SUMF1: variants seen among roughly 807,000 people sequenced by gnomAD.
SUMF1 encodes formylglycine-generating enzyme.
A neutral mutation model predicts 47.6 loss-of-function variants in SUMF1; 48 were observed. The observed-to-expected ratio is 1.01, with a 90% CI of 0.80 to 1.28. The LOEUF is 1.28. SUMF1 is among the 50% of genes most tolerant of loss of function. The probability of loss-of-function intolerance (pLI) is 0.00; values close to 1 mark genes in which losing one functional copy is unlikely to be tolerated. For missense variants in SUMF1, 571 were observed against 485.4 expected (o/e 1.18, Z -1.66); for synonymous variants, 230 against 192.1 (o/e 1.20, Z -1.63).
intron 8 of SUMF1, among the ~76,000 whole-genome samples, chr3:4,274,954 T>C (rs1697381981): frequency 2.0e-5 from 3 of 152,108 alleles, no homozygotes; most frequent in South Asian, 2.1e-4. Context: ...AGTCCAAATG[T>C]CAAACAGGCC....
Position 4,209,186 on chromosome 3 carries a change from G to A in SUMF1, c.1015-140441C>T, listed in dbSNP as rs191435165. On this transcript the variant is annotated intron_variant and NMD_transcript_variant, in intron 8 of 12. Coordinates refer to the SUMF1 transcript ENST00000448413. ...ATTTTATTGGGTACCTATTATATAC[G>A]TGCTGCTGCAGTTGACTTTAAGGAC... Among the ~76,000 whole-genome samples, 189 of 152,090 alleles carry A rather than the reference G, an allele frequency of 1.2e-3. 2 individuals are homozygous for A. Among genetic ancestry groups the A allele is most frequent in the African/African-American group, 4.3e-3 (177 of 41,458 alleles).
intron 9 of SUMF1, among the ~76,000 whole-genome samples, chr3:4,058,872 G>A (rs964158534): frequency 6.6e-6 from 1 of 152,042 alleles, no homozygotes; most frequent in Non-Finnish European, 1.5e-5. Context: ...CTTTTATAGT[G>A]CATTTAATTT....
chr3:4,035,499 G>A (rs1042564556), intron 9 of SUMF1, among the ~76,000 whole-genome samples: 27 of 152,148 alleles, frequency 1.8e-4, no homozygotes, highest in Non-Finnish European at 7.4e-5. Flanking sequence ...CATTCAAAAT[G>A]ATCTCATATT....
intron 1 of SUMF1, 93 bp from the exon 2 acceptor site, chr3:4,453,142 G>A (rs1409806971): frequency 3.8e-6 from 5 of 1,316,316 alleles, no homozygotes; most frequent in South Asian, 1.3e-5. Flanking sequence ...AAGCACGCAA[G>A]TTTGTAAATC....
At chr3:4,074,782 A>C (rs1336608053) in intron 8 of SUMF1, among the ~76,000 whole-genome samples, 2 of 152,138 alleles carry the variant, frequency 1.3e-5, no homozygotes, top group Admixed American at 1.3e-4. Flanking sequence ...ACCCAAGACT[A>C]AACCAGGAAG....
In SUMF1 at chr3:4,467,259, C is replaced by A. The variant is rs1484385638; in HGVS notation, c.-14G>T. The A allele has an allele frequency of 6.2e-6, 10 of 1,604,418 alleles. No homozygotes were observed. Among genetic ancestry groups the A allele is most frequent in the African/African-American group, 4.0e-5 (3 of 74,832 alleles). ...GGGCGCAGCCATGTTGTCCCGCGGG[C>A]CATGTGACCCGGTTGGTCACGTGGC... On this transcript the variant is annotated 5_prime_UTR_variant, in exon 1 of 9. Coordinates refer to ENST00000272902, the MANE Select transcript of SUMF1 (RefSeq NM_182760.4).
intron 8 of SUMF1, among the ~76,000 whole-genome samples, chr3:4,293,192 G>A (rs1697774739): frequency 1.3e-5 from 2 of 152,032 alleles, no homozygotes; most frequent in South Asian, 4.2e-4. Flanking sequence ...ACCACATAGT[G>A]CAGTTATAAT....
At position 4,164,501 on chromosome 3, in the gene SUMF1, C is replaced by T. The variant is rs183072640; in HGVS notation, c.1015-95756G>A. Among the ~76,000 whole-genome samples the T allele has an allele frequency of 1.1e-3, 164 of 152,210 alleles. 1 individual carries two copies. The highest frequency in any genetic ancestry group is 6.1e-3 in the Admixed American group (93 of 15,294). ...ATTGCCTTGGCATAGTGGACATGGG[C>T]GAGGGGGCAGCTTGTTTCTCTTTGG... On this transcript the variant is annotated intron_variant and NMD_transcript_variant, in intron 8 of 12. Coordinates refer to the SUMF1 transcript ENST00000448413.
At chr3:4,402,756 T>C (rs12636423) in intron 7 of SUMF1, among the ~76,000 whole-genome samples, 5 of 152,040 alleles carry the variant, frequency 3.3e-5, no homozygotes, top group African/African-American at 1.2e-4. Flanking sequence ...TCATGGAGAG[T>C]TGAGATAGGC....
chr3:4,207,966 T>C (rs1168308011), intron 8 of SUMF1, among the ~76,000 whole-genome samples: 6 of 152,170 alleles, frequency 3.9e-5, no homozygotes, highest in Non-Finnish European at 8.8e-5. Flanking sequence ...CATGTTTTTA[T>C]GAGTTCTACC....
At chr3:4,358,697 C>T (rs1208051856), downstream of SUMF1, among the ~76,000 whole-genome samples, 1 of 152,162 alleles carries the variant, frequency 6.6e-6, no homozygotes, top group Non-Finnish European at 1.5e-5. Context: ...CTACACTTTC[C>T]AGTGTGTTAA....
chr3:4,355,999 T>A (rs187179530), intron 8 of SUMF1, among the ~76,000 whole-genome samples: 9 of 152,350 alleles, frequency 5.9e-5, no homozygotes, highest in South Asian at 4.1e-4. Context: ...TTTTACAGCC[T>A]ACCTGAATAT....
At chr3:4,260,367 G>A (rs927613950) in intron 8 of SUMF1, among the ~76,000 whole-genome samples, 1 of 152,124 alleles carries the variant, frequency 6.6e-6, no homozygotes, top group Non-Finnish European at 1.5e-5. Context: ...TGTTGTTGCT[G>A]TTGTTTCTTA....
chr3:4,077,132 T>C (rs1204345273), intron 8 of SUMF1, among the ~76,000 whole-genome samples: 1 of 152,020 alleles, frequency 6.6e-6, no homozygotes, highest in Non-Finnish European at 1.5e-5. Flanking sequence ...GTTAGAATGG[T>C]GATCGTTAAA....
chr3:4,145,560 T>C (rs1367476360), intron 8 of SUMF1, among the ~76,000 whole-genome samples: 1 of 152,172 alleles, frequency 6.6e-6, no homozygotes. Context: ...CAATGCCTTC[T>C]CAATCCATAC....
intron 8 of SUMF1, among the ~76,000 whole-genome samples, chr3:4,220,009 T>C (rs1696025772): frequency 6.6e-6 from 1 of 152,116 alleles, no homozygotes; most frequent in East Asian, 1.9e-4. Flanking sequence ...CTGTCTGAGA[T>C]TACTGCAGTA....
chr3:4,457,973 T>C (rs1432272918), intron 1 of SUMF1, among the ~76,000 whole-genome samples: 1 of 152,204 alleles, frequency 6.6e-6, no homozygotes, highest in Non-Finnish European at 1.5e-5. Flanking sequence ...GTGAAAATCT[T>C]TGCAAACCAT....
intron 8 of SUMF1, among the ~76,000 whole-genome samples, chr3:4,192,540 AC>A (rs1695341353): frequency 6.6e-6 from 1 of 152,054 alleles, no homozygotes; most frequent in African/African-American, 2.4e-5. Context: ...AAAAATACAT[AC>A]TATTGTATAA....
At chr3:4,170,230 TTAC>T (rs1409727136) in intron 8 of SUMF1, among the ~76,000 whole-genome samples, 1 of 152,166 alleles carries the variant, frequency 6.6e-6, no homozygotes, top group African/African-American at 2.4e-5. Flanking sequence ...ATCTGGCTAG[TTAC>T]ATAAAAAGTT....
Sources: gnomAD v4.1 joint callset for allele counts (sites outside exome capture counted in the v4.1 genomes callset) on GRCh38, gnomAD v4.1.1 for gene constraint, MANE v1.5 for transcripts, NCBI Gene and HGNC (gene_info 2026-07-23, HGNC 2026-07-21) for gene names.